Variants in BCKDHB observed in about 807,000 individuals in gnomAD.
The protein encoded by BCKDHB is 2-oxoisovalerate dehydrogenase subunit beta, mitochondrial.
A neutral mutation model predicts 48.5 loss-of-function variants in BCKDHB; 41 were observed. The ratio of observed to expected loss-of-function variants is 0.85; its 90% CI spans 0.66 to 1.10. The LOEUF is 1.10. Ranked by LOEUF, BCKDHB falls within the 50% of genes least tolerant of loss-of-function variation. BCKDHB has a pLI of 0.00. For synonymous variants in BCKDHB, 201 were observed against 174.8 expected (o/e 1.15, Z -1.18); for missense variants, 496 against 494.2 (o/e 1.00, Z -0.03).
At position 80,191,634 on chromosome 6, in the gene BCKDHB, C is replaced by T. The variant is rs571998047; in HGVS notation, c.743-9300C>T. Among the ~76,000 whole-genome samples, 4 of 152,074 alleles carry T rather than the reference C, an allele frequency of 2.6e-5. No individual in the cohort carries two copies. The South Asian group carries it at 8.3e-4, about 32-fold the overall frequency. On this transcript the variant is annotated intron_variant, in intron 6 of 9. Transcript: ENST00000320393. ...ATGTTGCAGTCATCTCATCCAGTGG[C>T]CAGTAGTTGCTGTTATCTGCTTATG...
At chr6:80,159,693 A>G (rs1772221309) in intron 3 of BCKDHB, among the ~76,000 whole-genome samples, 1 of 152,224 alleles carries the variant, frequency 6.6e-6, no homozygotes, top group Middle Eastern at 3.2e-3. Flanking sequence ...CAAGTATACT[A>G]TGACTGAAAT....
intron 6 of BCKDHB, among the ~76,000 whole-genome samples, chr6:80,198,949 C>A (rs1334678934): frequency 2.0e-5 from 3 of 152,132 alleles, no homozygotes; most frequent in African/African-American, 7.2e-5. Context: ...TGCAAAGAGG[C>A]CCTGGCAACT....
intron 9 of BCKDHB, chr6:80,307,740 CA>C: frequency 1.0e-6 from 1 of 981,258 alleles, no homozygotes; most frequent in Non-Finnish European, 1.2e-6. Context: ...ACCATATTGT[CA>C]GATTTATTTT....
At chr6:80,127,383 G>C in intron 1 of BCKDHB, 164 bp from the exon 2 acceptor site, 1 of 654,762 alleles carries the variant, frequency 1.5e-6, no homozygotes, top group South Asian at 1.8e-5. Flanking sequence ...CTCCAGGTCT[G>C]TATTGCTTTT....
chr6:80,327,691 T>G (rs773203170), intron 9 of BCKDHB, among the ~76,000 whole-genome samples: 161 of 152,208 alleles, frequency 1.1e-3, no homozygotes, highest in Non-Finnish European at 1.9e-3. Flanking sequence ...TTTCAAGATG[T>G]CTTTCCCCAC....
At chr6:80,188,997 A>C (rs1286804955) in intron 6 of BCKDHB, among the ~76,000 whole-genome samples, 1 of 152,168 alleles carries the variant, frequency 6.6e-6, no homozygotes. Context: ...AACATATTCT[A>C]ACATATTTGG....
At chr6:80,197,259 A>G (rs1337303959) in intron 6 of BCKDHB, among the ~76,000 whole-genome samples, 2 of 152,212 alleles carry the variant, frequency 1.3e-5, no homozygotes, top group African/African-American at 4.8e-5. Context: ...AGAAGTATCT[A>G]TGAATTCTAG....
chr6:80,267,792 CA>C (rs1246834982), intron 8 of BCKDHB, among the ~76,000 whole-genome samples: 1 of 152,042 alleles, frequency 6.6e-6, no homozygotes, highest in Non-Finnish European at 1.5e-5. Context: ...TGAGGATGTA[CA>C]AAAATTTCCC....
At chr6:80,343,241 A>G (rs774711838) in intron 9 of BCKDHB, among the ~76,000 whole-genome samples, 8 of 152,224 alleles carry the variant, frequency 5.3e-5, no homozygotes, top group Non-Finnish European at 8.8e-5. Flanking sequence ...AGGAATTACA[A>G]ACATTTATTA....
chr6:80,218,178 T>G (rs147507050), intron 8 of BCKDHB, among the ~76,000 whole-genome samples: 2,448 of 152,210 alleles, frequency 0.016, 28 homozygotes, highest in Non-Finnish European at 0.024. Flanking sequence ...GCCAGGAAAA[T>G]GGACTTTTCC....
intron 6 of BCKDHB, among the ~76,000 whole-genome samples, chr6:80,188,047 A>G (rs891544889): frequency 1.3e-5 from 2 of 152,226 alleles, no homozygotes; most frequent in Admixed American, 6.5e-5. Flanking sequence ...CTGCAGCACT[A>G]TTCACAATAG....
chr6:80,433,579 G>C, the BCKDHB span, among the ~76,000 whole-genome samples: 1 of 152,178 alleles, frequency 6.6e-6, no homozygotes, highest in Non-Finnish European at 1.5e-5. Flanking sequence ...TCAAGCCAGT[G>C]GATCTTAGTT....
chr6:80,231,104 T>C (rs1775904875), intron 8 of BCKDHB, among the ~76,000 whole-genome samples: 1 of 152,176 alleles, frequency 6.6e-6, no homozygotes, highest in African/African-American at 2.4e-5. Flanking sequence ...AAATAGATAA[T>C]ATATGGCAAG....
chr6:80,431,503 C>T, the BCKDHB span, among the ~76,000 whole-genome samples: 1 of 152,106 alleles, frequency 6.6e-6, no homozygotes, highest in Non-Finnish European at 1.5e-5. Flanking sequence ...TCTGGGTGCT[C>T]CTGTATTGGG....
At chr6:80,237,025 T>C (rs546000448) in intron 8 of BCKDHB, among the ~76,000 whole-genome samples, 4 of 152,318 alleles carry the variant, frequency 2.6e-5, no homozygotes, top group Middle Eastern at 3.4e-3. Context: ...ATCATGCTAT[T>C]GTAGAAGACA....
In BCKDHB at chr6:80,270,376, T is replaced by C. The variant is rs1582475890; in HGVS notation, c.952-2759T>C. On this transcript the variant is annotated intron_variant, in intron 8 of 9. Transcript: ENST00000320393. Reference sequence around the variant, plus strand: ...ATTAAGTGAAGTAATTGTAAAATACTCAGCTCAGAGCCTAGCACATAGCAA... The same window carrying C: ...ATTAAGTGAAGTAATTGTAAAATACCCAGCTCAGAGCCTAGCACATAGCAA... Among the ~76,000 whole-genome samples the C allele has an allele frequency of 2.0e-5, 3 of 152,280 alleles. No individual in the cohort carries two copies. In the South Asian group the frequency reaches 6.2e-4, roughly 32 times the overall value.
intron 8 of BCKDHB, among the ~76,000 whole-genome samples, chr6:80,249,703 G>A (rs1776757575): frequency 6.6e-6 from 1 of 152,108 alleles, no homozygotes; most frequent in South Asian, 2.1e-4. Flanking sequence ...CATGAATTTT[G>A]TAATAGTGAT....
chr6:80,136,713 A>G (rs528512262), intron 3 of BCKDHB, among the ~76,000 whole-genome samples: 178 of 152,280 alleles, frequency 1.2e-3, no homozygotes, highest in African/African-American at 4.1e-3. Flanking sequence ...CAGATAAGAG[A>G]TTAATATCCA....
At chr6:80,324,732 C>T (rs1023736836) in intron 9 of BCKDHB, among the ~76,000 whole-genome samples, 1 of 152,172 alleles carries the variant, frequency 6.6e-6, no homozygotes, top group Non-Finnish European at 1.5e-5. Flanking sequence ...ATCCTGCTCC[C>T]TCTGCTCCTC....
Sources: allele counts gnomAD v4.1 joint callset (sites outside exome capture counted in the v4.1 genomes callset), GRCh38; gene constraint gnomAD v4.1.1; transcripts MANE v1.5; gene names NCBI Gene and HGNC (gene_info 2026-07-23, HGNC 2026-07-21).